The following TM6SF1 variants were observed in gnomAD, a reference collection of about 807,000 sequenced individuals.
The protein encoded by TM6SF1 is transmembrane 6 superfamily member 1.
In TM6SF1, 43 loss-of-function variants were observed where a neutral mutation model predicts 47.1. That is an observed-to-expected ratio of 0.91 (90% CI 0.72 to 1.18). The LOEUF (loss-of-function observed/expected upper bound fraction) is 1.18, where lower values mean the gene tolerates loss of function less well. TM6SF1 is among the 50% of genes most tolerant of loss of function. TM6SF1 has a pLI of 0.00. For synonymous variants in TM6SF1, 177 were observed against 166.3 expected, an observed-to-expected ratio of 1.06 and a Z score of -0.49; for missense variants, 390 against 449.0, an observed-to-expected ratio of 0.87 and a Z score of 1.19.
In TM6SF1 at chr15:83,112,856, G is replaced by A. The variant is rs771328156; in HGVS notation, c.152G>A (p.Arg51His). ...CTGTTCCTGGTAGCACTGCTGGCTC[G>A]TGTCCTCGTCAAAAGAAAACCACCC... The part of the protein sequence containing the change: ...LILFLVALLA[R>H]VLVKRKPPRD... The change falls in exon 2 of 10, where the codon CGT becomes CAT. Residue 51 changes from arginine to histidine, a missense_variant. Physicochemically the swap from Arg to His is conservative, Grantham distance 29. Transcript: ENST00000322019. 4.3e-5 allele frequency: 69 copies of A among 1,613,948 alleles called. No homozygotes were observed. The highest frequency in any genetic ancestry group is 2.5e-4 in the African/African-American group (19 of 74,896).
intron 4 of TM6SF1, among the ~76,000 whole-genome samples, chr15:83,120,586 TC>T (rs372776578): frequency 5.3e-5 from 8 of 149,830 alleles, no homozygotes; most frequent in African/African-American, 1.5e-4. Flanking sequence ...TCCAGCTAAT[TC>T]TTTTTTTTTT....
At chr15:83,129,636 C>T (rs181392360) in intron 9 of TM6SF1, 1 of 152,366 alleles carries the variant, frequency 6.6e-6, no homozygotes, top group East Asian at 1.9e-4. Flanking sequence ...TGTGTTATCT[C>T]ACCCACCCCA....
At chr15:83,136,349 G>A (rs2036605107) in intron 9 of TM6SF1, 132 bp from the exon 10 acceptor site, 2 of 584,936 alleles carry the variant, frequency 3.4e-6, no homozygotes. Flanking sequence ...ATTGTTTGAA[G>A]GTATTTTGCC....
chr15:83,113,243 C>T (rs1386989673), intron 2 of TM6SF1: 1 of 377,978 alleles, frequency 2.6e-6, no homozygotes, highest in Non-Finnish European at 5.0e-6. Flanking sequence ...GCAGTCCCCC[C>T]CACTTAGTGC....
At chr15:83,108,458 T>A (rs910398439) in intron 1 of TM6SF1, among the ~76,000 whole-genome samples, 2 of 147,282 alleles carry the variant, frequency 1.4e-5, no homozygotes, top group African/African-American at 5.1e-5. Flanking sequence ...TGCGCTGGGG[T>A]AGGATGGGGA....
chr15:83,121,030 A>G (rs1044462465), intron 4 of TM6SF1, among the ~76,000 whole-genome samples: 1 of 151,842 alleles, frequency 6.6e-6, no homozygotes, highest in African/African-American at 2.4e-5. Context: ...AGCCTGTTAC[A>G]TAGTGTGGAG....
chr15:83,112,589 G>T, intron 1 of TM6SF1: 1 of 598,052 alleles, frequency 1.7e-6, no homozygotes, highest in Non-Finnish European at 3.0e-6. Flanking sequence ...GATGGCTTCG[G>T]TCCCTGAAAG....
chr15:83,113,239 C>G, intron 2 of TM6SF1: 1 of 384,972 alleles, frequency 2.6e-6, no homozygotes, highest in South Asian at 2.6e-5. Flanking sequence ...ACTAGCAGTC[C>G]CCCCCACTTA....
intron 1 of TM6SF1, among the ~76,000 whole-genome samples, chr15:83,111,950 C>T (rs1042951838): frequency 2.0e-5 from 3 of 152,122 alleles, no homozygotes; most frequent in African/African-American, 7.2e-5. Flanking sequence ...AATTAATAAA[C>T]AGATAGATGC....
intron 3 of TM6SF1, among the ~76,000 whole-genome samples, chr15:83,117,441 A>AGG (rs1429939900): frequency 6.6e-6 from 1 of 152,118 alleles, no homozygotes; most frequent in Non-Finnish European, 1.5e-5. Flanking sequence ...GAGAGAGAAA[A>AGG]GGGCTGAGCT....
rs200446699 is a variant in TM6SF1 at position 83,121,938 on chromosome 15, T to C, written c.416T>C (p.Ile139Thr). 67 of 1,608,968 alleles carry C rather than the reference T, an allele frequency of 4.2e-5. No individual in the cohort carries two copies. Among genetic ancestry groups the C allele is most frequent in the African/African-American group, 3.1e-4 (23 of 74,828 alleles). Residue 139 changes from isoleucine to threonine, a missense_variant, in exon 5 of 10, where the codon ATT becomes ACT. Physicochemically the swap from Ile to Thr is moderately conservative, Grantham distance 89. Coordinates refer to ENST00000322019, the MANE Select transcript of TM6SF1 (RefSeq NM_023003.5). Reference protein sequence around the residue: ...AIAWEETYRTIGLYWVGSIIM... With the variant: ...AIAWEETYRTTGLYWVGSIIM... ...TGTTACAGGGAAACTTATAGAACCATTGGCCTATATTGGGTTGGATCTATT... is the reference window on the plus strand; with the variant it reads ...TGTTACAGGGAAACTTATAGAACCACTGGCCTATATTGGGTTGGATCTATT...
chr15:83,118,732 G>A (rs2034933048), intron 3 of TM6SF1, among the ~76,000 whole-genome samples: 1 of 152,144 alleles, frequency 6.6e-6, no homozygotes, highest in Admixed American at 6.5e-5. Context: ...AACAAGCCAG[G>A]ACAGCATGAA....
intron 9 of TM6SF1, chr15:83,135,084 T>A (rs946721966): frequency 2.6e-5 from 4 of 152,192 alleles, no homozygotes; most frequent in Non-Finnish European, 4.4e-5. Flanking sequence ...CACGTGCTGG[T>A]CCTTGGCAAT....
rs746506020 is a variant in TM6SF1, at chr15:83,126,861, G to A, written c.801+14G>A. ...CCTAAAATTCAGGTCAAGTAGTTATGAAGCCTAAGATTTTTCTAAAATTAA... is the reference window on the plus strand; with the variant it reads ...CCTAAAATTCAGGTCAAGTAGTTATAAAGCCTAAGATTTTTCTAAAATTAA... On this transcript the variant is annotated intron_variant, in intron 8 of 9. Transcript: ENST00000322019. 1.3e-5 allele frequency: 20 copies of A among 1,587,218 alleles called. No individual in the cohort carries two copies. In the East Asian group the frequency reaches 4.3e-4, roughly 34 times the overall value.
At chr15:83,123,994 T>A (rs971908644) in intron 6 of TM6SF1, among the ~76,000 whole-genome samples, 1 of 152,196 alleles carries the variant, frequency 6.6e-6, no homozygotes, top group Non-Finnish European at 1.5e-5. Context: ...TAGAGCCCTA[T>A]CTTCAGGAAA....
chr15:83,128,938 C>G (rs2036002617), intron 9 of TM6SF1: 1 of 152,308 alleles, frequency 6.6e-6, no homozygotes, highest in Non-Finnish European at 1.5e-5. Context: ...TCAAGCAATC[C>G]TCCTGCCTCT....
chr15:83,126,649 A>T, intron 7 of TM6SF1, 106 bp from the exon 8 acceptor site: 2 of 891,300 alleles, frequency 2.2e-6, no homozygotes, highest in Non-Finnish European at 3.5e-6. Flanking sequence ...ACGTTTTGTT[A>T]AACAGCAAAG....
At chr15:83,124,896 T>C (rs994225994) in intron 7 of TM6SF1, 120 bp downstream of exon 7, 1 of 852,280 alleles carries the variant, frequency 1.2e-6, no homozygotes, top group South Asian at 1.6e-5. Context: ...TAACAAACCA[T>C]TCCTCCCATC....
intron 6 of TM6SF1, among the ~76,000 whole-genome samples, chr15:83,123,683 G>A (rs2035471474): frequency 6.6e-6 from 1 of 152,256 alleles, no homozygotes; most frequent in South Asian, 2.1e-4. Flanking sequence ...CTGACAGCTG[G>A]TACTAACTTC....
Sources: gnomAD v4.1 joint callset for allele counts (sites outside exome capture counted in the v4.1 genomes callset) on GRCh38, gnomAD v4.1.1 for gene constraint, MANE v1.5 for transcripts, NCBI Gene and HGNC (gene_info 2026-07-23, HGNC 2026-07-21) for gene names.